The following ARFGAP2 variants were observed in gnomAD, a reference collection of about 807,000 sequenced individuals.
The protein encoded by ARFGAP2 is ADP-ribosylation factor GTPase-activating protein 2.
A neutral mutation model predicts 71.9 loss-of-function variants in ARFGAP2; 45 were observed. The ratio of observed to expected loss-of-function variants is 0.63; its 90% CI spans 0.49 to 0.80. The LOEUF (loss-of-function observed/expected upper bound fraction) is 0.80, where lower values mean the gene tolerates loss of function less well. Among genes scored for constraint, ARFGAP2 ranks in the 30% least tolerant of loss-of-function variants. The pLI, the probability that ARFGAP2 is intolerant of heterozygous loss-of-function variation, is 0.00. For missense variants in ARFGAP2, 633 were observed against 673.9 expected (o/e 0.94, Z 0.67); for synonymous variants, 248 against 249.2 (o/e 1.00, Z 0.05).
chr11:47,176,324 C>T (rs1345264268), intron 2 of ARFGAP2, 192 bp downstream of exon 2: 1 of 617,100 alleles, frequency 1.6e-6, no homozygotes, highest in East Asian at 2.7e-5. Context: ...GGCCCAGAGG[C>T]GGAGACGGAC....
At position 47,172,325 on chromosome 11, in the gene ARFGAP2, T is replaced by A. The variant is rs1427850434; in HGVS notation, c.628A>T (p.Ser210Cys). The A allele has an allele frequency of 6.2e-7, 1 of 1,614,078 alleles. No individual in the cohort carries two copies. ...TSPKASLELK[S>C]SIIGKKKPAA... The stretch of plus-strand genomic sequence containing the variant: ...GGCTTCTTCTTGCCAATGATGGAGC[T>A]TTTCAGTTCTGCGTGAGAAACGGGT... The change falls in exon 8 of 16, where the codon AGC (serine) becomes TGC (cysteine). Residue 210 changes from serine to cysteine, a missense_variant. Transcript: ENST00000524782.
chr11:47,174,811 T>G, intron 5 of ARFGAP2: 2 of 608,628 alleles, frequency 3.3e-6, no homozygotes, highest in Non-Finnish European at 2.9e-6. Context: ...TAGGAGTCGA[T>G]TTCTAAGGAG....
rs1387519773 is a variant in ARFGAP2, at chr11:47,175,902, G to C, written c.213C>G (p.Asn71Lys). 6.2e-7 allele frequency: 1 copy of C among 1,614,164 alleles called. No homozygotes were observed. The highest frequency in any genetic ancestry group is 1.7e-5 in the Admixed American group (1 of 60,020). ...TACACCTCAGCTGGAACCAGTTCCA[G>C]TTGGAATCCAACTCTGTGGACCTGT... Reference protein sequence around the residue: ...SFIRSTELDSNWNWFQLRCMQ... With the variant: ...SFIRSTELDSKWNWFQLRCMQ... Residue 71 changes from asparagine to lysine, a missense_variant, in exon 3 of 16, where the codon AAC becomes AAG. Coordinates refer to ENST00000524782, the MANE Select transcript of ARFGAP2 (RefSeq NM_032389.6).
At chr11:47,174,034 A>G in intron 5 of ARFGAP2, 194 bp from the exon 6 acceptor site, 1 of 1,008,316 alleles carries the variant, frequency 9.9e-7, no homozygotes, top group Non-Finnish European at 1.4e-6. Flanking sequence ...CCCCACCCCA[A>G]CCCCTTCACT....
At chr11:47,170,256 G>A (rs1396358641) in intron 10 of ARFGAP2, among the ~76,000 whole-genome samples, 2 of 149,958 alleles carry the variant, frequency 1.3e-5, no homozygotes, top group African/African-American at 2.5e-5. Flanking sequence ...TCTGGGAGGC[G>A]GAGGCTGCAG....
intron 8 of ARFGAP2, 49 bp downstream of exon 8, chr11:47,172,232 C>A: frequency 6.3e-7 from 1 of 1,585,842 alleles, no homozygotes; most frequent in Non-Finnish European, 8.7e-7. Context: ...ACCCAGGTAG[C>A]CTGCACCCAG....
intron 10 of ARFGAP2, chr11:47,169,154 A>G (rs1024080926): frequency 6.6e-6 from 1 of 151,964 alleles, no homozygotes; most frequent in African/African-American, 2.4e-5. Flanking sequence ...TCTACTAAAA[A>G]TACAAAAAAA....
Position 47,166,390 on chromosome 11 carries a change from T to C in ARFGAP2, c.1427-4A>G. ...ACGTTCCCCAGAGATACACTTCCTG[T>C]AAAACAAGAGCAGGGTGACCCAGAG... is the stretch of plus-strand genomic sequence containing the variant. On this transcript the variant is annotated splice_region_variant and splice_polypyrimidine_tract_variant and intron_variant, in intron 14 of 15. Coordinates refer to ENST00000524782, the MANE Select transcript of ARFGAP2 (RefSeq NM_032389.6). 1 of 1,613,848 alleles carries C rather than the reference T, an allele frequency of 6.2e-7. No homozygotes were observed. Among genetic ancestry groups the C allele is most frequent in the South Asian group, 1.1e-5 (1 of 91,070 alleles).
At chr11:47,175,347 G>C (rs1035674740) in intron 3 of ARFGAP2, 34 bp from the exon 4 acceptor site, 5 of 1,613,616 alleles carry the variant, frequency 3.1e-6, no homozygotes, top group Non-Finnish European at 3.4e-6. Flanking sequence ...CGCGTGCTAC[G>C]GGTGATTCTC....
intron 12 of ARFGAP2, 49 bp from the exon 13 acceptor site, chr11:47,166,935 G>A (rs1952409165): frequency 1.9e-6 from 3 of 1,591,356 alleles, no homozygotes; most frequent in Non-Finnish European, 1.7e-6. Context: ...TATCATCAGG[G>A]GAGGCAGAGT....
chr11:47,168,334 G>A, intron 10 of ARFGAP2, 83 bp from the exon 11 acceptor site: 1 of 1,583,784 alleles, frequency 6.3e-7, no homozygotes, highest in Non-Finnish European at 8.6e-7. Flanking sequence ...CAGCAACTGG[G>A]TTCTCCTTCA....
intron 5 of ARFGAP2, 122 bp from the exon 6 acceptor site, chr11:47,173,962 G>A: frequency 6.6e-7 from 1 of 1,514,202 alleles, no homozygotes; most frequent in Non-Finnish European, 8.9e-7. Context: ...AAAGGGACTG[G>A]AGGGTAGCAA....
chr11:47,166,479 G>A (rs779457949), intron 14 of ARFGAP2, 27 bp downstream of exon 14: 1 of 1,612,654 alleles, frequency 6.2e-7, no homozygotes, highest in East Asian at 2.2e-5. Flanking sequence ...GCCTCACTTG[G>A]TGCCTGCCAC....
At position 47,167,971 on chromosome 11, in the gene ARFGAP2, C is replaced by T; in HGVS notation, c.1143G>A (p.Met381Ile). ...CTGGCTCCTTCTCCTCTACCCTGTC[C>T]ATACCCCAGGCAGCATCTGTATCCC... ...SRWDTDAAWG[M>I]DRVEEKEPEV... Residue 381 changes from methionine (M) to isoleucine (I), a missense_variant, in exon 12 of 16, where the codon ATG (methionine) becomes ATA (isoleucine). Transcript: ENST00000524782. 1 of 1,614,072 alleles carries T rather than the reference C, an allele frequency of 6.2e-7. No homozygotes were observed. Among genetic ancestry groups the T allele is most frequent in the Non-Finnish European group, 8.5e-7 (1 of 1,179,966 alleles).
intron 12 of ARFGAP2, among the ~76,000 whole-genome samples, chr11:47,167,126 T>G (rs994286113): frequency 4.6e-5 from 7 of 152,198 alleles, no homozygotes; most frequent in African/African-American, 9.6e-5. Context: ...CAGCCTGCAG[T>G]GGCCTAGGCT....
rs1952670644 is a variant in ARFGAP2 at position 47,173,318 on chromosome 11, A to G, written c.619+108T>C. Reference sequence around the variant, plus strand: ...ACTCCAGAGAATCAGATAGATGCTCAGTCTCCTGTGGCCTCTGTCCACACG... The same window carrying G: ...ACTCCAGAGAATCAGATAGATGCTCGGTCTCCTGTGGCCTCTGTCCACACG... On this transcript the variant is annotated intron_variant, in intron 7 of 15. Transcript: ENST00000524782. The G allele has an allele frequency of 2.4e-6, 3 of 1,251,770 alleles. No homozygotes were observed. In the East Asian group the frequency reaches 7.6e-5, roughly 32 times the overall value. The allele number at this position is 1,251,770 out of a possible 1,614,324, so 77.5% of individuals were successfully genotyped here. A position where few individuals can be genotyped will look rare whatever the true frequency, so the allele number is the denominator to read the frequency against.
Position 47,171,763 on chromosome 11 carries a change from C to T in ARFGAP2, c.710G>A (p.Ser237Asn), listed in dbSNP as rs1952610815. Residue 237 changes from serine (S) to asparagine (N), a missense_variant, in exon 9 of 16, where the codon AGC (serine) becomes AAC (asparagine). By Grantham distance (46) the Ser-to-Asn change is conservative. Transcript: ENST00000524782. The part of the protein sequence containing the change: ...AKKGLGAQKV[S>N]SQSFSEIERQ... ...CTCAATCTCACTGAAGCTCTGGCTG[C>T]TCACCTTCTGGGCCCCTAGGCCTTT... 1.2e-6 allele frequency: 2 copies of T among 1,614,020 alleles called. No individual in the cohort carries two copies. Among genetic ancestry groups the T allele is most frequent in the East Asian group, 4.5e-5 (2 of 44,888 alleles).
rs150524180 is a variant in ARFGAP2, at chr11:47,175,223, G to A, written c.355C>T (p.Arg119Trp). The A allele has an allele frequency of 1.4e-5, 23 of 1,614,002 alleles. No homozygotes were observed. The highest frequency in any genetic ancestry group is 1.6e-4 in the Middle Eastern group (1 of 6,084). ...GCCAGGGCCGCACTCCCCAGCTGCCGGATCTTCTCCCGGTACATCTGGGCA... is the reference window on the plus strand; with the variant it reads ...GCCAGGGCCGCACTCCCCAGCTGCCAGATCTTCTCCCGGTACATCTGGGCA... The part of the protein sequence containing the change: ...RAAQMYREKI[R>W]QLGSAALARH... The change falls in exon 4 of 16, where the codon CGG (arginine) becomes TGG (tryptophan). Residue 119 changes from arginine to tryptophan, a missense_variant. Coordinates refer to ENST00000524782, the MANE Select transcript of ARFGAP2 (RefSeq NM_032389.6).
chr11:47,168,860 G>A (rs1952490712), intron 10 of ARFGAP2, among the ~76,000 whole-genome samples: 1 of 151,962 alleles, frequency 6.6e-6, no homozygotes, highest in Non-Finnish European at 1.5e-5. Context: ...AGATGCCAGT[G>A]GTCTCTGTCC....
Sources: allele counts gnomAD v4.1 joint callset (sites outside exome capture counted in the v4.1 genomes callset), GRCh38; gene constraint gnomAD v4.1.1; transcripts MANE v1.5; gene names NCBI Gene and HGNC (gene_info 2026-07-23, HGNC 2026-07-21).